Variants in TTC7B observed in about 807,000 individuals in gnomAD.
The protein encoded by TTC7B is tetratricopeptide repeat protein 7B.
TTC7B carries 28 observed loss-of-function variants against 106.8 expected under a neutral mutation model. That is an observed-to-expected ratio of 0.26 (90% CI 0.19 to 0.36). TTC7B has a LOEUF of 0.36. Ranked by LOEUF, TTC7B falls within the 10% of genes least tolerant of loss-of-function variation. The pLI is 1.00. For synonymous variants in TTC7B, 405 were observed against 430.6 expected, an observed-to-expected ratio of 0.94 and a Z score of 0.74; for missense variants, 862 against 1,076.4, an observed-to-expected ratio of 0.80 and a Z score of 2.79.
chr14:90,789,821 G>C (rs185348280), intron 1 of TTC7B, among the ~76,000 whole-genome samples: 1 of 151,848 alleles, frequency 6.6e-6, no homozygotes, highest in African/African-American at 2.4e-5. Flanking sequence ...GCGTGAACCT[G>C]GGGGGTGGAG....
chr14:90,658,195 G>C, intron 10 of TTC7B, 109 bp downstream of exon 10: 2 of 922,326 alleles, frequency 2.2e-6, no homozygotes, highest in South Asian at 1.5e-5. Flanking sequence ...TCTCAGAGTG[G>C]CTCGAAAGAC....
chr14:90,685,650 A>G (rs959879827), intron 7 of TTC7B, among the ~76,000 whole-genome samples: 1 of 152,208 alleles, frequency 6.6e-6, no homozygotes, highest in Non-Finnish European at 1.5e-5. Flanking sequence ...AAAATGAGAA[A>G]TGAGAGAACA....
intron 3 of TTC7B, among the ~76,000 whole-genome samples, chr14:90,780,056 G>T (rs186615399): frequency 2.6e-5 from 4 of 152,256 alleles, no homozygotes; most frequent in African/African-American, 7.2e-5. Context: ...ACCAAGAAAG[G>T]CCCCTGCTGA....
At chr14:90,581,637 G>A (rs1259728567) in intron 18 of TTC7B, among the ~76,000 whole-genome samples, 1 of 152,208 alleles carries the variant, frequency 6.6e-6, no homozygotes, top group African/African-American at 2.4e-5. Flanking sequence ...GTGGGCTGGT[G>A]AGGCCGCCCA....
At chr14:90,623,377 AAATCCATGTGAAT>A (rs1258925165) in intron 15 of TTC7B, among the ~76,000 whole-genome samples, 1 of 152,224 alleles carries the variant, frequency 6.6e-6, no homozygotes, top group Non-Finnish European at 1.5e-5. Flanking sequence ...ATGTAAACCC[AAATCCATGTGAAT>A]AAGAAACAGA....
At chr14:90,737,411 A>C (rs1889577442) in intron 4 of TTC7B, among the ~76,000 whole-genome samples, 1 of 152,236 alleles carries the variant, frequency 6.6e-6, no homozygotes, top group African/African-American at 2.4e-5. Flanking sequence ...TGTAGCACAT[A>C]TCCACACAAT....
intron 1 of TTC7B, among the ~76,000 whole-genome samples, chr14:90,794,979 C>A (rs1324510113): frequency 6.6e-6 from 1 of 152,004 alleles, no homozygotes; most frequent in Non-Finnish European, 1.5e-5. Flanking sequence ...AATTCAGAAC[C>A]CACTAGCAAG....
chr14:90,541,275 G>A lies in TTC7B; in HGVS notation c.*93C>T, dbSNP rs559873812. ...GAACACTCGTCCCTGGCCTCAGTGT[G>A]GCAGATTCATCCCCTTGGGGCGATG... On this transcript the variant is annotated 3_prime_UTR_variant, in exon 20 of 20. Coordinates refer to ENST00000328459, the MANE Select transcript of TTC7B (RefSeq NM_001010854.2). The A allele has an allele frequency of 3.4e-4, 420 of 1,228,806 alleles. 5 individuals are homozygous for A. The highest frequency in any genetic ancestry group is 9.0e-5 in the African/African-American group (6 of 67,022). The allele number at this position is 1,228,806 out of a possible 1,614,324, so 76.1% of individuals were successfully genotyped here. A position where few individuals can be genotyped will look rare whatever the true frequency, so the allele number is the denominator to read the frequency against.
intron 1 of TTC7B, among the ~76,000 whole-genome samples, chr14:90,798,613 G>A (rs1286334): frequency 0.15 from 22,768 of 149,760 alleles, 1,882 homozygotes; most frequent in East Asian, 0.24. Flanking sequence ...GGGAGGCTGA[G>A]GCAGGAGAAT....
chr14:90,729,883 TG>T (rs1294278485), intron 5 of TTC7B, among the ~76,000 whole-genome samples, 191 bp downstream of exon 5: 17 of 151,796 alleles, frequency 1.1e-4, no homozygotes, highest in African/African-American at 4.1e-4. Flanking sequence ...TCACATCTCA[TG>T]GGAAAGCAAG....
At chr14:90,782,523 C>T (rs1238289206) in intron 2 of TTC7B, among the ~76,000 whole-genome samples, 1 of 152,120 alleles carries the variant, frequency 6.6e-6, no homozygotes, top group Non-Finnish European at 1.5e-5. Context: ...CACTTGAACC[C>T]AGGAGGCGGA....
chr14:90,532,785 T>C lies in TTC7B; in HGVS notation c.*8583A>G, dbSNP rs1459305554. On this transcript the variant is annotated 3_prime_UTR_variant, in exon 20 of 20. Coordinates refer to ENST00000328459, the MANE Select transcript of TTC7B (RefSeq NM_001010854.2). ...CTGAACACAGGCAGGAAGGCCTCAC[T>C]GCCACCTGGGTGGGTGGAGGTTCAG... is the stretch of plus-strand genomic sequence containing the variant. 6.6e-6 allele frequency: 1 copy of C among 152,300 alleles called. No individual in the cohort carries two copies. The highest frequency in any genetic ancestry group is 2.4e-5 in the African/African-American group (1 of 41,442). The allele number at this position is 152,300 out of a possible 1,614,324, so 9.4% of individuals were successfully genotyped here.
chr14:90,643,565 T>G (rs201633269), intron 15 of TTC7B, among the ~76,000 whole-genome samples: 1 of 151,506 alleles, frequency 6.6e-6, no homozygotes, highest in Non-Finnish European at 1.5e-5. Context: ...AGCCTAAGTT[T>G]TTTGTTTGTT....
At chr14:90,636,820 A>G (rs1298151637) in intron 15 of TTC7B, among the ~76,000 whole-genome samples, 1 of 152,020 alleles carries the variant, frequency 6.6e-6, no homozygotes, top group Non-Finnish European at 1.5e-5. Flanking sequence ...GAAATTTCAA[A>G]ATATTTAGAA....
chr14:90,591,118 T>C (rs1397005844), intron 18 of TTC7B, among the ~76,000 whole-genome samples: 1 of 152,176 alleles, frequency 6.6e-6, no homozygotes, highest in African/African-American at 2.4e-5. Flanking sequence ...GGCAGGCAGA[T>C]CACCTGAGGT....
Position 90,692,082 on chromosome 14 carries a change from A to G in TTC7B, c.778-2370T>C, listed in dbSNP as rs529002746. The stretch of plus-strand genomic sequence containing the variant: ...TTATGGCTGAATGATATTCCATTGC[A>G]TCGATAAACCACATGCTGCTTATCC... On this transcript the variant is annotated intron_variant, in intron 6 of 19. Coordinates refer to ENST00000328459, the MANE Select transcript of TTC7B (RefSeq NM_001010854.2). Among the ~76,000 whole-genome samples, 6 of 152,288 alleles carry G rather than the reference A, an allele frequency of 3.9e-5. No homozygotes were observed. In the East Asian group the frequency reaches 1.2e-3, roughly 29 times the overall value.
At chr14:90,711,808 C>T in intron 5 of TTC7B, among the ~76,000 whole-genome samples, 1 of 151,724 alleles carries the variant, frequency 6.6e-6, no homozygotes, top group East Asian at 1.9e-4. Context: ...TTTTTAACAA[C>T]CATTAAAAAG....
chr14:90,681,524 T>C (rs1887048298), intron 7 of TTC7B, among the ~76,000 whole-genome samples: 1 of 151,670 alleles, frequency 6.6e-6, no homozygotes, highest in Admixed American at 6.6e-5. Flanking sequence ...ATTACAAACA[T>C]TTGTTTTCTT....
chr14:90,619,573 A>G (rs1308676523), intron 15 of TTC7B, among the ~76,000 whole-genome samples: 1 of 152,208 alleles, frequency 6.6e-6, no homozygotes, highest in African/African-American at 2.4e-5. Flanking sequence ...TAAAAAGAAG[A>G]AAAAGAGAGG....
Sources: gnomAD v4.1 joint callset for allele counts (sites outside exome capture counted in the v4.1 genomes callset) on GRCh38, gnomAD v4.1.1 for gene constraint, MANE v1.5 for transcripts, NCBI Gene and HGNC (gene_info 2026-07-23, HGNC 2026-07-21) for gene names.